Variants in SATB2 observed in about 807,000 individuals in gnomAD.
SATB2 encodes the protein DNA-binding protein SATB2.
A neutral mutation model predicts 73.4 loss-of-function variants in SATB2; 1 was observed. The ratio of observed to expected loss-of-function variants is 0.01; its 90% CI spans 0.00 to 0.06. The LOEUF (loss-of-function observed/expected upper bound fraction) is 0.06, where lower values mean the gene tolerates loss of function less well. SATB2 is among the 10% of genes least tolerant of loss of function. The pLI is 1.00. For synonymous variants in SATB2, 397 were observed against 367.0 expected (o/e 1.08, Z -0.93); for missense variants, 459 against 945.8 (o/e 0.49, Z 6.75).
At chr2:199,387,577 A>G (rs1372751923) in intron 3 of SATB2, among the ~76,000 whole-genome samples, 1 of 152,226 alleles carries the variant, frequency 6.6e-6, no homozygotes, top group African/African-American at 2.4e-5. Flanking sequence ...TTGGTGTTGA[A>G]GACTATTACA....
At position 199,437,518 on chromosome 2, in the gene SATB2, CAT is replaced by C. The variant is rs146646983; in HGVS notation, c.170-4006_170-4005del. Reference sequence around the variant, plus strand: ...ACAGCAACAGCTGTGAGAACTGAGACATGTGGGAAAATGGTTAGATGTGGTGA... The same window carrying C: ...ACAGCAACAGCTGTGAGAACTGAGACGTGGGAAAATGGTTAGATGTGGTGA... On this transcript the variant is annotated intron_variant, in intron 2 of 10. Transcript: ENST00000417098. Among the ~76,000 whole-genome samples, 150 of 152,266 alleles carry C rather than the reference CAT, an allele frequency of 9.9e-4. 1 individual carries two copies. The East Asian group carries it at 0.025, about 25-fold the overall frequency.
intron 3 of SATB2, among the ~76,000 whole-genome samples, chr2:199,393,411 C>T (rs1415318181): frequency 6.6e-6 from 1 of 152,098 alleles, no homozygotes. Flanking sequence ...AAAGTGAGCG[C>T]CCATACTCTT....
chr2:199,470,854 T>G (rs1426340698), intron 1 of SATB2: 1 of 152,316 alleles, frequency 6.6e-6, no homozygotes, highest in Non-Finnish European at 1.5e-5. Context: ...TTCAAAGAGC[T>G]GGCGACCCCG....
chr2:199,276,755 T>A (rs1268292900), intron 10 of SATB2, among the ~76,000 whole-genome samples: 1 of 954 alleles, frequency 1.0e-3, no homozygotes, highest in Non-Finnish European at 4.5e-3. Flanking sequence ...ATTACCTTTT[T>A]CCCTTTTTTC....
intron 6 of SATB2, among the ~76,000 whole-genome samples, chr2:199,365,747 A>T (rs1264058032): frequency 1.3e-5 from 2 of 152,000 alleles, no homozygotes; most frequent in Non-Finnish European, 2.9e-5. Flanking sequence ...CATTTTTCTC[A>T]TATTTATTTC....
intron 6 of SATB2, among the ~76,000 whole-genome samples, chr2:199,362,029 G>A (rs193207569): frequency 2.2e-4 from 34 of 152,098 alleles, no homozygotes; most frequent in African/African-American, 6.3e-4. Flanking sequence ...GAGCCACCGC[G>A]CCCAGCCAGG....
chr2:199,466,851 C>T (rs564313650), upstream of SATB2, among the ~76,000 whole-genome samples: 6 of 152,236 alleles, frequency 3.9e-5, no homozygotes, highest in Non-Finnish European at 5.9e-5. Context: ...TTCCCCAAGC[C>T]TGGCTTTTGC....
chr2:199,327,701 G>T (rs1688070052), intron 8 of SATB2, among the ~76,000 whole-genome samples: 1 of 152,100 alleles, frequency 6.6e-6, no homozygotes, highest in Non-Finnish European at 1.5e-5. Flanking sequence ...GTATACATTT[G>T]CATGAGGGCC....
At chr2:199,444,516 A>T (rs1437504060) in intron 2 of SATB2, among the ~76,000 whole-genome samples, 5 of 152,198 alleles carry the variant, frequency 3.3e-5, no homozygotes, top group South Asian at 2.1e-4. Flanking sequence ...TTATTTAAGG[A>T]TAAAATATTA....
intron 3 of SATB2, among the ~76,000 whole-genome samples, chr2:199,394,793 A>G (rs1373036556): frequency 6.6e-6 from 1 of 152,176 alleles, no homozygotes; most frequent in African/African-American, 2.4e-5. Context: ...AATCTGTCAT[A>G]TGGATTTTTT....
rs1688717785 is a variant in SATB2 at position 199,348,440 on chromosome 2, T to G, written c.1173+261A>C. The G allele has an allele frequency of 1.5e-5, 7 of 473,750 alleles. No homozygotes were observed. The South Asian group carries it at 1.5e-4, about 10-fold the overall frequency. 29.3% of individuals were successfully genotyped at this position (473,750 alleles called of 1,614,324 possible). A position where few individuals can be genotyped will look rare whatever the true frequency, so the allele number is the denominator to read the frequency against. On this transcript the variant is annotated intron_variant, in intron 7 of 10. Transcript: ENST00000417098. ...GAGGATGAGAGAGTACATACCCAAG[T>G]CATTAGTAACATTTGGGGTCCTGAG... is the stretch of plus-strand genomic sequence containing the variant.
At chr2:199,342,182 G>A (rs1018810875) in intron 7 of SATB2, among the ~76,000 whole-genome samples, 3 of 152,016 alleles carry the variant, frequency 2.0e-5, no homozygotes, top group Admixed American at 2.0e-4. Context: ...GGGGAGGCGG[G>A]GGAGCATCAA....
chr2:199,379,780 G>A (rs540958340), intron 5 of SATB2, among the ~76,000 whole-genome samples: 173 of 148,620 alleles, frequency 1.2e-3, no homozygotes, highest in African/African-American at 4.1e-3. Flanking sequence ...CTCTGGCCTC[G>A]GCCTCCCAAA....
At chr2:199,391,331 G>C (rs1690127557) in intron 3 of SATB2, among the ~76,000 whole-genome samples, 4 of 151,430 alleles carry the variant, frequency 2.6e-5, no homozygotes, top group Admixed American at 1.3e-4. Context: ...TACTTGGGAG[G>C]CTGAGGCAGG....
chr2:199,293,450 A>G (rs1230077737), intron 10 of SATB2, among the ~76,000 whole-genome samples: 1 of 152,128 alleles, frequency 6.6e-6, no homozygotes, highest in Non-Finnish European at 1.5e-5. Flanking sequence ...GCAACAGGAA[A>G]AAAAGGGGTC....
At chr2:199,297,742 A>G (rs1304113207) in intron 10 of SATB2, among the ~76,000 whole-genome samples, 1 of 152,126 alleles carries the variant, frequency 6.6e-6, no homozygotes, top group African/African-American at 2.4e-5. Flanking sequence ...TAGCAAGGAC[A>G]GCAGAAGTCT....
intron 3 of SATB2, among the ~76,000 whole-genome samples, chr2:199,391,944 G>A (rs572937667): frequency 4.6e-5 from 7 of 152,258 alleles, no homozygotes; most frequent in African/African-American, 1.7e-4. Context: ...ATAATCTGGA[G>A]GGTAGAAGAG....
rs184841500 is a variant in SATB2 at position 199,270,229 on chromosome 2, T to A, written c.*1982A>T. 3 of 152,700 alleles carry A rather than the reference T, an allele frequency of 2.0e-5. No homozygotes were observed. The highest frequency in any genetic ancestry group is 7.2e-5 in the African/African-American group (3 of 41,418). 9.5% of individuals were successfully genotyped at this position (152,700 alleles called of 1,614,324 possible). ...CTTATGTCAAGATAATTTTTAAACA[T>A]CATTATTTGAAAAAGTACAGGAAAA... On this transcript the variant is annotated 3_prime_UTR_variant, in exon 11 of 11. Coordinates refer to ENST00000417098, the MANE Select transcript of SATB2 (RefSeq NM_001172509.2).
At chr2:199,451,164 G>GATCA (rs1692112072) in intron 2 of SATB2, among the ~76,000 whole-genome samples, 3 of 150,928 alleles carry the variant, frequency 2.0e-5, no homozygotes, top group African/African-American at 7.3e-5. Flanking sequence ...GTATACAATG[G>GATCA]TCAGTGGGTT....
Sources: gnomAD v4.1 joint callset for allele counts (sites outside exome capture counted in the v4.1 genomes callset) on GRCh38, gnomAD v4.1.1 for gene constraint, MANE v1.5 for transcripts, NCBI Gene and HGNC (gene_info 2026-07-23, HGNC 2026-07-21) for gene names.